Variants in RSF1 observed in about 807,000 individuals in gnomAD.
The protein encoded by RSF1 is remodeling and spacing factor 1, also known as HBV pX-associated protein 8.
In RSF1, 13 loss-of-function variants were observed where a neutral mutation model predicts 145.2. That is an observed-to-expected ratio of 0.09 (90% CI 0.06 to 0.14). The LOEUF is 0.14. RSF1 is among the 10% of genes least tolerant of loss of function. The pLI is 1.00. For missense variants in RSF1, 1,517 were observed against 1,718.2 expected, an observed-to-expected ratio of 0.88 and a Z score of 2.07; for synonymous variants, 577 against 592.6, an observed-to-expected ratio of 0.97 and a Z score of 0.38.
chr11:77,737,727 G>A lies in RSF1; in HGVS notation c.578+3004C>T, dbSNP rs565712687. Among the ~76,000 whole-genome samples the A allele has an allele frequency of 7.6e-4, 61 of 80,294 alleles. 1 individual carries two copies. The South Asian group carries it at 0.026, about 34-fold the overall frequency. 52.7% of individuals were successfully genotyped at this position (80,294 alleles called of 152,430 possible). On this transcript the variant is annotated intron_variant, in intron 4 of 15. Coordinates refer to ENST00000308488, the MANE Select transcript of RSF1 (RefSeq NM_016578.4). ...GAGAAATGGTCAAGCATGAGAAGAG[G>A]TGAAAGCAGAAAGCAACACCAGGGG...
chr11:77,738,613 C>T (rs1466544679), intron 4 of RSF1: 2 of 152,178 alleles, frequency 1.3e-5, no homozygotes, highest in African/African-American at 4.8e-5. Context: ...TCAAACATAA[C>T]TGTTAACTCT....
chr11:77,779,425 C>T (rs1254448409), intron 1 of RSF1, among the ~76,000 whole-genome samples: 1 of 151,704 alleles, frequency 6.6e-6, no homozygotes, highest in Non-Finnish European at 1.5e-5. Flanking sequence ...TCTTGTTGCC[C>T]AGGCTGGAGT....
intron 2 of RSF1, 116 bp downstream of exon 2, chr11:77,764,482 C>G (rs1402952822): frequency 3.1e-6 from 2 of 643,196 alleles, no homozygotes; most frequent in East Asian, 5.8e-5. Flanking sequence ...ATTTTGGAGC[C>G]ATAGTCTTAC....
chr11:77,845,697 T>C, the RSF1 span, among the ~76,000 whole-genome samples: 1 of 152,186 alleles, frequency 6.6e-6, no homozygotes, highest in Non-Finnish European at 1.5e-5. Flanking sequence ...CCCAAAGTGC[T>C]GGGTTTATAG....
intron 3 of RSF1, among the ~76,000 whole-genome samples, chr11:77,743,674 T>C (rs1947966616): frequency 6.6e-6 from 1 of 152,210 alleles, no homozygotes; most frequent in Non-Finnish European, 1.5e-5. Flanking sequence ...CAGTCACAAT[T>C]TAACTTCTTC....
In RSF1 at chr11:77,779,185, C is replaced by T. The variant is rs144891253; in HGVS notation, c.188-14496G>A. Among the ~76,000 whole-genome samples the T allele has an allele frequency of 7.8e-3, 1,181 of 151,870 alleles. 6 individuals are homozygous for T. Among genetic ancestry groups the T allele is most frequent in the Middle Eastern group, 0.024 (7 of 292 alleles). Reference sequence around the variant, plus strand: ...TCTCAAACTCCTGACCTCAGGTGATCCACCCACTTAGGCCTCCCAAAGGCC... The same window carrying T: ...TCTCAAACTCCTGACCTCAGGTGATTCACCCACTTAGGCCTCCCAAAGGCC... On this transcript the variant is annotated intron_variant, in intron 1 of 15. Coordinates refer to ENST00000308488, the MANE Select transcript of RSF1 (RefSeq NM_016578.4).
intron 5 of RSF1, among the ~76,000 whole-genome samples, chr11:77,704,970 C>T (rs887869258): frequency 3.3e-5 from 5 of 151,992 alleles, no homozygotes; most frequent in Non-Finnish European, 7.4e-5. Context: ...AGGCGGGTCT[C>T]GAACTCCTGA....
intron 1 of RSF1, among the ~76,000 whole-genome samples, chr11:77,789,367 T>TA (rs757588670): frequency 1.3e-5 from 2 of 152,206 alleles, no homozygotes; most frequent in Non-Finnish European, 2.9e-5. Flanking sequence ...GGTGCCATTT[T>TA]AGAGTCCTGT....
At chr11:77,786,361 T>C (rs1052799524) in intron 1 of RSF1, among the ~76,000 whole-genome samples, 1 of 152,216 alleles carries the variant, frequency 6.6e-6, no homozygotes, top group African/African-American at 2.4e-5. Context: ...AATAAAAAAT[T>C]ACCCAATTTT....
At position 77,734,726 on chromosome 11, in the gene RSF1, T is replaced by C. The variant is rs866297663; in HGVS notation, c.578+6005A>G. The stretch of plus-strand genomic sequence containing the variant: ...TTTTCCAAATGTAATGCACACTCCA[T>C]CACATTCAGCCCGCTCTCCCAGTCA... On this transcript the variant is annotated intron_variant, in intron 4 of 15. Coordinates refer to ENST00000308488, the MANE Select transcript of RSF1 (RefSeq NM_016578.4). 36 of 1,463,404 alleles carry C rather than the reference T, an allele frequency of 2.5e-5. 1 individual carries two copies. In the Middle Eastern group the frequency reaches 1.2e-3, roughly 50 times the overall value. The allele number at this position is 1,463,404 out of a possible 1,614,324, so 90.7% of individuals were successfully genotyped here.
At chr11:77,763,695 G>A (rs1418638598) in intron 2 of RSF1, 2 of 152,182 alleles carry the variant, frequency 1.3e-5, no homozygotes, top group African/African-American at 4.8e-5. Flanking sequence ...ATCTTCCTGA[G>A]AGAAGGACTC....
At chr11:77,778,239 GGGGAGAGCAT>G (rs1948367721) in intron 1 of RSF1, among the ~76,000 whole-genome samples, 1 of 75,888 alleles carries the variant, frequency 1.3e-5, no homozygotes, top group African/African-American at 5.1e-5. Flanking sequence ...GGGGAGGGAA[GGGGAGAGCAT>G]GGGGGAGGGA....
intron 1 of RSF1, among the ~76,000 whole-genome samples, chr11:77,772,084 G>A (rs976255706): frequency 6.6e-6 from 1 of 152,156 alleles, no homozygotes; most frequent in East Asian, 1.9e-4. Context: ...ATGACTTTTA[G>A]TTTAATCACA....
Position 77,700,763 on chromosome 11 carries a change from A to G in RSF1, c.2466T>C (p.Ile822=), listed in dbSNP as rs1230991181. The G allele has an allele frequency of 2.5e-6, 4 of 1,586,692 alleles. No individual in the cohort carries two copies. The highest frequency in any genetic ancestry group is 3.4e-6 in the Non-Finnish European group (4 of 1,174,216). The stretch of plus-strand genomic sequence containing the variant: ...TTGTATCTTTCTCTGATTTTTTCAA[A>G]ATTTCCTTTTTGTCAGTTTTTTGCA... ...TALQKTDKKE[I]LKKSEKDTNS... is the part of the protein sequence containing the mutation. Residue 822 remains isoleucine, a synonymous_variant, in exon 6 of 16, where the codon ATT becomes ATC. Coordinates refer to ENST00000308488, the MANE Select transcript of RSF1 (RefSeq NM_016578.4).
At chr11:77,857,824 G>C in the RSF1 span, among the ~76,000 whole-genome samples, 2 of 151,660 alleles carry the variant, frequency 1.3e-5, no homozygotes, top group African/African-American at 4.8e-5. Context: ...AGCCTCCCAA[G>C]TAGCTGGGAC....
intron 2 of RSF1, among the ~76,000 whole-genome samples, chr11:77,758,629 T>C (rs1301005507): frequency 6.6e-6 from 1 of 152,206 alleles, no homozygotes; most frequent in Non-Finnish European, 1.5e-5. Flanking sequence ...TTAAAAAAAA[T>C]AGCCATCCTG....
At chr11:77,806,139 A>G (rs1481515773) in intron 1 of RSF1, among the ~76,000 whole-genome samples, 1 of 152,200 alleles carries the variant, frequency 6.6e-6, no homozygotes, top group East Asian at 1.9e-4. Flanking sequence ...CAACACCCCA[A>G]AAGAATTGTT....
chr11:77,678,193 CTT>C (rs5792773), intron 11 of RSF1, 40 bp from the exon 12 acceptor site: 298,351 of 614,020 alleles, frequency 0.49, 30,376 homozygotes, highest in African/African-American at 0.55. Flanking sequence ...CCTGTCCTGG[CTT>C]TTTTTTTTTT....
intron 2 of RSF1, among the ~76,000 whole-genome samples, chr11:77,756,241 C>G (rs992447360): frequency 6.6e-5 from 10 of 151,612 alleles, no homozygotes; most frequent in African/African-American, 2.2e-4. Context: ...CTTGTAATCC[C>G]CAGCTACTAG....
Sources: gnomAD v4.1 joint callset for allele counts (sites outside exome capture counted in the v4.1 genomes callset) on GRCh38, gnomAD v4.1.1 for gene constraint, MANE v1.5 for transcripts, NCBI Gene and HGNC (gene_info 2026-07-23, HGNC 2026-07-21) for gene names.